The following CDC42SE2 variants were observed in gnomAD, a reference collection of about 807,000 sequenced individuals.
CDC42SE2 encodes the protein CDC42 small effector 2.
Under a neutral mutation model 11.5 loss-of-function variants are expected in CDC42SE2, and 3 were observed. The observed-to-expected ratio is 0.26, with a 90% CI of 0.12 to 0.67. CDC42SE2 has a LOEUF of 0.67. CDC42SE2 is among the 30% of genes least tolerant of loss of function. The pLI is 0.80. For missense variants in CDC42SE2, 82 were observed against 106.8 expected (o/e 0.77, Z 1.02); for synonymous variants, 33 against 34.8 (o/e 0.95, Z 0.18).
At chr5:131,224,245 G>A in the CDC42SE2 span, among the ~76,000 whole-genome samples, 1 of 152,096 alleles carries the variant, frequency 6.6e-6, no homozygotes, top group Non-Finnish European at 1.5e-5. Flanking sequence ...CCTCTCTCTT[G>A]AACTCCTGAC....
At position 131,296,028 on chromosome 5, in the gene CDC42SE2, C is replaced by T. The variant is rs143531975; in HGVS notation, c.-454-19948C>T. ...CAGTTTTACTATGGGTATGTACTAT[C>T]TGGTCAAAATATGTACAATATAAAA... is the stretch of plus-strand genomic sequence containing the variant. On this transcript the variant is annotated intron_variant, in intron 1 of 4. Coordinates refer to ENST00000505065, the MANE Select transcript of CDC42SE2 (RefSeq NM_001375635.1). Among the ~76,000 whole-genome samples the T allele has an allele frequency of 2.5e-3, 382 of 152,264 alleles. 2 individuals carry two copies. The highest frequency in any genetic ancestry group is 8.6e-3 in the African/African-American group (357 of 41,560).
chr5:131,244,920 G>C (rs1436425710), upstream of CDC42SE2, among the ~76,000 whole-genome samples: 2 of 152,032 alleles, frequency 1.3e-5, no homozygotes, highest in African/African-American at 4.8e-5. Context: ...AAAATTACTG[G>C]GGGGAATCAT....
intron 2 of CDC42SE2, among the ~76,000 whole-genome samples, chr5:131,348,765 A>G (rs987132094): frequency 1.3e-5 from 2 of 152,206 alleles, no homozygotes; most frequent in African/African-American, 4.8e-5. Flanking sequence ...CAGTAACCAA[A>G]ACAGCATGGT....
chr5:131,283,005 G>A (rs1182306758), intron 1 of CDC42SE2, among the ~76,000 whole-genome samples: 1 of 146,262 alleles, frequency 6.8e-6, no homozygotes, highest in African/African-American at 2.5e-5. Flanking sequence ...TCGGCTCACC[G>A]CAGCCTCCAC....
chr5:131,376,248 CA>C (rs760294077), intron 3 of CDC42SE2, among the ~76,000 whole-genome samples: 1 of 149,390 alleles, frequency 6.7e-6, no homozygotes, highest in Non-Finnish European at 1.5e-5. Flanking sequence ...AAAAAAAAAA[CA>C]AAAAACCTTT....
intron 1 of CDC42SE2, among the ~76,000 whole-genome samples, chr5:131,308,226 C>T (rs1757820743): frequency 6.6e-6 from 1 of 151,926 alleles, no homozygotes; most frequent in Admixed American, 6.6e-5. Flanking sequence ...GCTTGTTTTT[C>T]TCAGGTTTGT....
chr5:131,370,421 G>C (rs1212854020), intron 3 of CDC42SE2, among the ~76,000 whole-genome samples: 2 of 151,778 alleles, frequency 1.3e-5, no homozygotes, highest in Non-Finnish European at 2.9e-5. Flanking sequence ...GAGTCACTAT[G>C]TGTTCCTCTT....
intron 1 of CDC42SE2, among the ~76,000 whole-genome samples, chr5:131,290,283 T>G (rs1364622655): frequency 2.6e-5 from 4 of 152,154 alleles, no homozygotes; most frequent in Non-Finnish European, 5.9e-5. Context: ...CTTAAAATTG[T>G]CTAGACCTGT....
chr5:131,343,924 AT>A (rs1037069513), intron 2 of CDC42SE2, among the ~76,000 whole-genome samples: 7 of 152,176 alleles, frequency 4.6e-5, no homozygotes, highest in Admixed American at 2.0e-4. Flanking sequence ...ACACTCTTTC[AT>A]GTTTGAGCCA....
At chr5:131,386,215 A>G (rs1431325168) in intron 4 of CDC42SE2, among the ~76,000 whole-genome samples, 1 of 152,236 alleles carries the variant, frequency 6.6e-6, no homozygotes, top group Non-Finnish European at 1.5e-5. Flanking sequence ...AAATCCTTGC[A>G]TGTGCAGTTC....
intron 1 of CDC42SE2, among the ~76,000 whole-genome samples, chr5:131,247,409 G>T (rs372775202): frequency 6.6e-6 from 1 of 152,110 alleles, no homozygotes; most frequent in Non-Finnish European, 1.5e-5. Flanking sequence ...ACGAGGTCAG[G>T]AGTTCAAGAC....
chr5:131,296,356 A>G (rs776126786), intron 1 of CDC42SE2, among the ~76,000 whole-genome samples: 45 of 152,206 alleles, frequency 3.0e-4, no homozygotes, highest in Non-Finnish European at 5.4e-4. Context: ...ACAACAAGGT[A>G]TCACAAACTA....
intron 1 of CDC42SE2, among the ~76,000 whole-genome samples, chr5:131,275,371 A>AC (rs1757080997): frequency 1.4e-5 from 2 of 147,662 alleles, no homozygotes; most frequent in Admixed American, 6.9e-5. Flanking sequence ...ATCTCGGCTC[A>AC]CTGCAAACTC....
chr5:131,290,177 T>C (rs1206283087), intron 1 of CDC42SE2, among the ~76,000 whole-genome samples: 1 of 152,066 alleles, frequency 6.6e-6, no homozygotes, highest in African/African-American at 2.4e-5. Context: ...AGAAGAGCTA[T>C]TGTGAAAGGA....
At chr5:131,334,256 T>C (rs1041103488) in intron 2 of CDC42SE2, among the ~76,000 whole-genome samples, 1 of 152,246 alleles carries the variant, frequency 6.6e-6, no homozygotes, top group African/African-American at 2.4e-5. Context: ...TTTTGTATGC[T>C]GGATTACGTT....
chr5:131,385,831 C>T (rs1168943481), intron 4 of CDC42SE2, among the ~76,000 whole-genome samples, 187 bp downstream of exon 4: 1 of 152,096 alleles, frequency 6.6e-6, no homozygotes, highest in African/African-American at 2.4e-5. Flanking sequence ...TTTGAATTTC[C>T]TGGATTAGGT....
At chr5:131,345,443 T>C (rs1291750221) in intron 2 of CDC42SE2, among the ~76,000 whole-genome samples, 1 of 151,902 alleles carries the variant, frequency 6.6e-6, no homozygotes, top group Non-Finnish European at 1.5e-5. Flanking sequence ...GTGAGAAGTT[T>C]AGAGAAAAAA....
At chr5:131,333,142 G>A (rs540822606) in intron 2 of CDC42SE2, among the ~76,000 whole-genome samples, 11 of 152,120 alleles carry the variant, frequency 7.2e-5, no homozygotes, top group Non-Finnish European at 1.3e-4. Context: ...ATTAATTTTT[G>A]TATAAGGTGT....
At chr5:131,346,283 G>T (rs890175046) in intron 2 of CDC42SE2, among the ~76,000 whole-genome samples, 1 of 152,068 alleles carries the variant, frequency 6.6e-6, no homozygotes, top group African/African-American at 2.4e-5. Flanking sequence ...ACACACATAG[G>T]CTCAAAATAA....
Sources: allele counts gnomAD v4.1 joint callset (sites outside exome capture counted in the v4.1 genomes callset), GRCh38; gene constraint gnomAD v4.1.1; transcripts MANE v1.5; gene names NCBI Gene and HGNC (gene_info 2026-07-23, HGNC 2026-07-21).